The following ARMH4 variants were observed in gnomAD, a reference collection of about 807,000 sequenced individuals.
ARMH4 encodes armadillo like helical domain containing 4.
In ARMH4, 49 loss-of-function variants were observed where a neutral mutation model predicts 61.9. The observed-to-expected ratio is 0.79, with a 90% CI of 0.63 to 1.00. ARMH4 has a LOEUF of 1.00. ARMH4 is among the 50% of genes least tolerant of loss of function. ARMH4 has a pLI of 0.00. For missense variants in ARMH4, 934 were observed against 930.0 expected, an observed-to-expected ratio of 1.00 and a Z score of -0.06; for synonymous variants, 368 against 341.5, an observed-to-expected ratio of 1.08 and a Z score of -0.85.
intron 1 of ARMH4, among the ~76,000 whole-genome samples, chr14:58,139,663 C>T (rs191821815): frequency 1.3e-5 from 2 of 152,250 alleles, no homozygotes; most frequent in Non-Finnish European, 2.9e-5. Context: ...GTATTAAGTT[C>T]GTTGTTTCTT....
At chr14:58,080,535 C>A (rs1007282252) in intron 5 of ARMH4, among the ~76,000 whole-genome samples, 1 of 152,064 alleles carries the variant, frequency 6.6e-6, no homozygotes, top group African/African-American at 2.4e-5. Context: ...ATTCTAACTC[C>A]TTTTTAAAAG....
chr14:58,127,136 A>G (rs1388858806), intron 4 of ARMH4, among the ~76,000 whole-genome samples: 3 of 152,182 alleles, frequency 2.0e-5, no homozygotes, highest in Non-Finnish European at 4.4e-5. Flanking sequence ...GTCAATTATT[A>G]TGAGTTTGTT....
At chr14:58,095,078 C>T (rs1452844791) in intron 5 of ARMH4, among the ~76,000 whole-genome samples, 2 of 152,170 alleles carry the variant, frequency 1.3e-5, no homozygotes, top group East Asian at 3.8e-4. Flanking sequence ...TTCTAAGACC[C>T]TCTAATTACT....
At chr14:58,149,071 C>T (rs570716993) in intron 1 of ARMH4, among the ~76,000 whole-genome samples, 172 of 152,288 alleles carry the variant, frequency 1.1e-3, no homozygotes, top group African/African-American at 4.0e-3. Context: ...CTTTTCATGA[C>T]CATTCCTCAA....
chr14:58,106,103 A>C (rs73306289), intron 4 of ARMH4, among the ~76,000 whole-genome samples: 12,448 of 152,228 alleles, frequency 0.082, 725 homozygotes, highest in African/African-American at 0.17. Context: ...CATTATGAAA[A>C]ATTCCTTTTC....
chr14:58,095,322 G>A (rs7157794), intron 5 of ARMH4, among the ~76,000 whole-genome samples: 71,324 of 151,992 alleles, frequency 0.47, 17,022 homozygotes, highest in Non-Finnish European at 0.52. Flanking sequence ...CACAACCCGA[G>A]GAGTCACTTT....
intron 5 of ARMH4, among the ~76,000 whole-genome samples, chr14:58,032,218 G>T (rs1465126363): frequency 6.6e-6 from 1 of 152,118 alleles, no homozygotes; most frequent in Non-Finnish European, 1.5e-5. Context: ...TGCAGCTCCA[G>T]CACCAGAGAA....
intron 5 of ARMH4, among the ~76,000 whole-genome samples, chr14:58,083,589 A>T (rs1885295118): frequency 6.6e-6 from 1 of 152,200 alleles, no homozygotes; most frequent in Admixed American, 6.5e-5. Flanking sequence ...TCTCAAAGGC[A>T]AACAAACAAA....
chr14:58,111,685 CTTTT>C (rs542731594), intron 4 of ARMH4, among the ~76,000 whole-genome samples: 2 of 145,662 alleles, frequency 1.4e-5, no homozygotes, highest in Admixed American at 1.4e-4. Context: ...CTTCCTTCTT[CTTTT>C]TTTTTTTTAT....
intron 4 of ARMH4, among the ~76,000 whole-genome samples, chr14:58,108,175 G>C (rs922862613): frequency 3.3e-5 from 5 of 152,104 alleles, no homozygotes; most frequent in Non-Finnish European, 5.9e-5. Flanking sequence ...AAGGTTCTAA[G>C]GGATACCAGA....
chr14:58,146,217 G>C (rs1001927295), intron 1 of ARMH4, among the ~76,000 whole-genome samples: 2 of 152,256 alleles, frequency 1.3e-5, no homozygotes, highest in Non-Finnish European at 2.9e-5. Context: ...ACTTTGCTGG[G>C]AGAAGTGGAA....
chr14:58,036,868 G>T (rs1883503666), intron 5 of ARMH4, among the ~76,000 whole-genome samples: 2 of 126,172 alleles, frequency 1.6e-5, no homozygotes, highest in Non-Finnish European at 3.5e-5. Context: ...TCTTCAAGGA[G>T]AACTACAACC....
At chr14:58,026,840 T>C (rs186545816) in intron 5 of ARMH4, among the ~76,000 whole-genome samples, 3 of 152,256 alleles carry the variant, frequency 2.0e-5, no homozygotes, top group East Asian at 1.9e-4. Context: ...GGCTTGAACA[T>C]AGGGCAAAGG....
chr14:58,139,260 CCTTT>C lies in ARMH4; in HGVS notation c.95_98del (p.Glu32GlyfsTer5). On this transcript the variant is annotated frameshift_variant, in exon 2 of 8. Coordinates refer to ENST00000267485, the MANE Select transcript of ARMH4 (RefSeq NM_001001872.4). LOFTEE classifies it high-confidence loss of function. Reference sequence around the variant, plus strand: ...CATGAACATGTGCTATCTCCCTCCTCCTTTCTATTTTGGGGAAGGCCAGACATTG... The same window carrying C: ...CATGAACATGTGCTATCTCCCTCCTCCTATTTTGGGGAAGGCCAGACATTG... 1 of 1,614,176 alleles carries C rather than the reference CCTTT, an allele frequency of 6.2e-7. No homozygotes were observed. Among genetic ancestry groups the C allele is most frequent in the Non-Finnish European group, 8.5e-7 (1 of 1,180,038 alleles).
Position 58,138,230 on chromosome 14 carries a change from C to T in ARMH4, c.1129G>A (p.Gly377Ser). 3 of 1,614,196 alleles carry T rather than the reference C, an allele frequency of 1.9e-6. No individual in the cohort carries two copies. Among genetic ancestry groups the T allele is most frequent in the Non-Finnish European group, 2.5e-6 (3 of 1,180,022 alleles). Residue 377 changes from glycine to serine, a missense_variant, in exon 2 of 8, where the codon GGC becomes AGC. Gly to Ser is a moderately conservative substitution (Grantham distance 56). Coordinates refer to ENST00000267485, the MANE Select transcript of ARMH4 (RefSeq NM_001001872.4). ...CCATGCGCTATTAGCAGGGCTGTGC[C>T]CGTGTGTGTTTCCCCTTCAGGCAGC... ...LGLPEGETHTGTALLIAHGNE... is the reference protein window; with the variant it reads ...LGLPEGETHTSTALLIAHGNE...
At chr14:58,063,009 G>A (rs1884580961) in intron 5 of ARMH4, among the ~76,000 whole-genome samples, 1 of 152,212 alleles carries the variant, frequency 6.6e-6, no homozygotes, top group Non-Finnish European at 1.5e-5. Flanking sequence ...TTATTCCTCA[G>A]TTCTGAAGAA....
chr14:58,136,700 T>C (rs1303391658), intron 2 of ARMH4, among the ~76,000 whole-genome samples: 1 of 152,212 alleles, frequency 6.6e-6, no homozygotes, highest in Non-Finnish European at 1.5e-5. Context: ...GGAATGAGCA[T>C]GTATACATTA....
intron 5 of ARMH4, among the ~76,000 whole-genome samples, chr14:58,093,001 G>A (rs2141258179): frequency 6.6e-6 from 1 of 152,146 alleles, no homozygotes; most frequent in East Asian, 1.9e-4. Context: ...TTCGTGGGAG[G>A]TGCTTCAATT....
chr14:58,113,518 G>T (rs752878289), intron 4 of ARMH4, among the ~76,000 whole-genome samples: 20 of 152,008 alleles, frequency 1.3e-4, no homozygotes, highest in Non-Finnish European at 2.5e-4. Flanking sequence ...TATGTCCATG[G>T]ATTCATATTT....
Sources: gnomAD v4.1 joint callset for allele counts (sites outside exome capture counted in the v4.1 genomes callset) on GRCh38, gnomAD v4.1.1 for gene constraint, MANE v1.5 for transcripts, NCBI Gene and HGNC (gene_info 2026-07-23, HGNC 2026-07-21) for gene names.